The following TNKS variants were observed in gnomAD, a reference collection of about 807,000 sequenced individuals.
TNKS encodes poly [ADP-ribose] polymerase tankyrase-1.
Under a neutral mutation model 135.8 loss-of-function variants are expected in TNKS, and 72 were observed. The ratio of observed to expected loss-of-function variants is 0.53; its 90% CI spans 0.44 to 0.64. The LOEUF is 0.64. Ranked by LOEUF, TNKS falls within the 30% of genes least tolerant of loss-of-function variation. The pLI, the probability that TNKS is intolerant of heterozygous loss-of-function variation, is 0.00. For synonymous variants in TNKS, 849 were observed against 649.3 expected, an observed-to-expected ratio of 1.31 and a Z score of -4.68; for missense variants, 1,769 against 1,674.0, an observed-to-expected ratio of 1.06 and a Z score of -0.99.
chr8:9,736,078 GTAATA>G (rs1456409028), intron 17 of TNKS, among the ~76,000 whole-genome samples: 3 of 72,062 alleles, frequency 4.2e-5, no homozygotes, highest in African/African-American at 7.7e-5. Flanking sequence ...TATCAATATT[GTAATA>G]TAATATATAT....
chr8:9,740,055 T>TAAAAAAAAAA (rs58285747), intron 17 of TNKS, among the ~76,000 whole-genome samples: 15 of 87,438 alleles, frequency 1.7e-4, no homozygotes, highest in Admixed American at 2.7e-4. Context: ...TAGAGTATAA[T>TAAAAAAAAAA]AAAAAAAAAA....
At position 9,580,208 on chromosome 8, in the gene TNKS, T is replaced by C. The variant is rs1563400430; in HGVS notation, c.723T>C (p.Asn241=). The change falls in exon 2 of 27, where the codon AAT becomes AAC. Residue 241 remains asparagine, a synonymous_variant. Transcript: ENST00000310430. The stretch of plus-strand genomic sequence containing the variant: ...AACACTTACTACAGATGGGTGCTAA[T>C]GTCCACGCTCGTGATGATGGAGGTC... ...VVEHLLQMGA[N]VHARDDGGLI... 1.1e-5 allele frequency: 17 copies of C among 1,614,220 alleles called. No homozygotes were observed. The highest frequency in any genetic ancestry group is 1.4e-5 in the Non-Finnish European group (17 of 1,180,042).
At chr8:9,657,569 C>T in intron 3 of TNKS, among the ~76,000 whole-genome samples, 1 of 84,828 alleles carries the variant, frequency 1.2e-5, no homozygotes, top group East Asian at 4.3e-4. Context: ...GCGCCCCTCA[C>T]CTCCCAGACG....
intron 3 of TNKS, among the ~76,000 whole-genome samples, chr8:9,635,975 G>A (rs530554207): frequency 6.6e-6 from 1 of 152,332 alleles, no homozygotes; most frequent in South Asian, 2.1e-4. Flanking sequence ...CTGTATATTA[G>A]ATGAAAAGTA....
Position 9,762,009 on chromosome 8 carries a change from A to G in TNKS, c.3274+373A>G, listed in dbSNP as rs113417644. Among the ~76,000 whole-genome samples the G allele has an allele frequency of 6.7e-4, 102 of 152,350 alleles. 2 individuals carry two copies. Among genetic ancestry groups the G allele is most frequent in the Non-Finnish European group, 9.0e-4 (61 of 68,030 alleles). ...GTACCTTCTCTACAATGTGAACACA[A>G]TCTTTTCAAAATGATTATATGATCA... On this transcript the variant is annotated intron_variant, in intron 21 of 26. Transcript: ENST00000310430.
At chr8:9,573,413 T>C (rs1320641790) in intron 1 of TNKS, among the ~76,000 whole-genome samples, 1 of 152,218 alleles carries the variant, frequency 6.6e-6, no homozygotes, top group South Asian at 2.1e-4. Flanking sequence ...TGAACACAGT[T>C]TGAACATTTG....
intron 3 of TNKS, among the ~76,000 whole-genome samples, chr8:9,629,388 C>A (rs752361835): frequency 6.6e-6 from 1 of 152,186 alleles, no homozygotes; most frequent in Non-Finnish European, 1.5e-5. Flanking sequence ...CAGACAGAAA[C>A]TTTTTAAAAA....
In TNKS at chr8:9,778,427, A is replaced by G. The variant is rs1808323393; in HGVS notation, c.*1691A>G. 1.3e-5 allele frequency: 2 copies of G among 152,666 alleles called. No individual in the cohort carries two copies. The highest frequency in any genetic ancestry group is 2.9e-5 in the Non-Finnish European group (2 of 68,042). The allele number at this position is 152,666 out of a possible 1,614,324, so 9.5% of individuals were successfully genotyped here. Reference sequence around the variant, plus strand: ...GGTTACATGCAAAACTTCTAGAAATAGACTCTTAAAATATATACATTTTGC... The same window carrying G: ...GGTTACATGCAAAACTTCTAGAAATGGACTCTTAAAATATATACATTTTGC... On this transcript the variant is annotated 3_prime_UTR_variant, in exon 27 of 27. Transcript: ENST00000310430.
intron 15 of TNKS, 56 bp from the exon 16 acceptor site, chr8:9,734,809 T>G (rs1400457260): frequency 5.5e-6 from 8 of 1,445,576 alleles, no homozygotes; most frequent in Non-Finnish European, 6.6e-6. Flanking sequence ...CCTACCTACC[T>G]ACCTACCTAC....
intron 19 of TNKS, 24 bp downstream of exon 19, chr8:9,751,870 A>C: frequency 6.2e-7 from 1 of 1,603,682 alleles, no homozygotes; most frequent in South Asian, 1.1e-5. Context: ...ATGAATGCTT[A>C]TTTATTTATA....
chr8:9,589,640 T>G (rs963232407), intron 2 of TNKS, among the ~76,000 whole-genome samples: 2 of 152,246 alleles, frequency 1.3e-5, no homozygotes, highest in Non-Finnish European at 2.9e-5. Flanking sequence ...CGTTTCCTAG[T>G]GTGGACTTGG....
chr8:9,638,690 C>G (rs1486309801), intron 3 of TNKS, among the ~76,000 whole-genome samples: 1 of 151,610 alleles, frequency 6.6e-6, no homozygotes, highest in Non-Finnish European at 1.5e-5. Flanking sequence ...ATAATTTAAC[C>G]AAAGAGTGGA....
At chr8:9,573,912 T>A (rs889300086) in intron 1 of TNKS, among the ~76,000 whole-genome samples, 4 of 152,194 alleles carry the variant, frequency 2.6e-5, no homozygotes, top group African/African-American at 9.6e-5. Flanking sequence ...GTTATATGAT[T>A]TAATATTGGC....
At chr8:9,773,350 A>C (rs551838636) in intron 26 of TNKS, among the ~76,000 whole-genome samples, 1 of 152,254 alleles carries the variant, frequency 6.6e-6, no homozygotes, top group East Asian at 1.9e-4. Flanking sequence ...CCAAACATAG[A>C]TTCACCCACA....
intron 3 of TNKS, among the ~76,000 whole-genome samples, chr8:9,654,623 C>G (rs1801277026): frequency 6.6e-6 from 1 of 152,154 alleles, no homozygotes; most frequent in South Asian, 2.1e-4. Flanking sequence ...AAGTCTATGT[C>G]AGGTAAAATT....
chr8:9,763,437 G>T (rs953545781), intron 22 of TNKS, among the ~76,000 whole-genome samples, 193 bp downstream of exon 22: 1 of 152,030 alleles, frequency 6.6e-6, no homozygotes, highest in Non-Finnish European at 1.5e-5. Context: ...ATAAGCCTAG[G>T]TTTTCTAATG....
rs1044203214 is a variant in TNKS, at chr8:9,584,303, G to A, written c.898+3920G>A. The stretch of plus-strand genomic sequence containing the variant: ...GGGCACTCCTTGCTGAGAGGAATGC[G>A]GAAACTGGTAGTGTCAGATCTTCCT... On this transcript the variant is annotated intron_variant, in intron 2 of 26. Coordinates refer to ENST00000310430, the MANE Select transcript of TNKS (RefSeq NM_003747.3). 2.0e-5 allele frequency among the ~76,000 whole-genome samples: 3 copies of A among 152,158 alleles called. No individual in the cohort carries two copies. The South Asian group carries it at 6.2e-4, about 32-fold the overall frequency.
chr8:9,760,823 CTA>C (rs1390142536), intron 20 of TNKS, among the ~76,000 whole-genome samples: 1 of 152,108 alleles, frequency 6.6e-6, no homozygotes, highest in Non-Finnish European at 1.5e-5. Flanking sequence ...TTAAAAAGCA[CTA>C]TGTTGTATAA....
chr8:9,614,975 A>G (rs1799585972), intron 2 of TNKS, among the ~76,000 whole-genome samples: 1 of 152,160 alleles, frequency 6.6e-6, no homozygotes, highest in Non-Finnish European at 1.5e-5. Flanking sequence ...TTCTGTTTCT[A>G]AACATTTTTG....
Sources: gnomAD v4.1 joint callset for allele counts (sites outside exome capture counted in the v4.1 genomes callset) on GRCh38, gnomAD v4.1.1 for gene constraint, MANE v1.5 for transcripts, NCBI Gene and HGNC (gene_info 2026-07-23, HGNC 2026-07-21) for gene names.